Variants in FLG observed in about 807,000 individuals in gnomAD.
FLG encodes epidermal filaggrin.
In FLG, 6 loss-of-function variants were observed where a neutral mutation model predicts 3.8. The ratio of observed to expected loss-of-function variants is 1.60; its 90% confidence interval spans 0.87 to 3.15. The LOEUF is 3.15. Ranked by LOEUF, FLG falls within the 30% of genes most tolerant of loss-of-function variation. The probability of loss-of-function intolerance (pLI) is 0.00; values close to 1 mark genes in which losing one functional copy is unlikely to be tolerated. For missense variants in FLG, 7,595 were observed against 5,050.9 expected (o/e 1.50, Z -15.27); for synonymous variants, 2,551 against 1,931.6 (o/e 1.32, Z -8.41).
chr1:152,318,398 C>G (rs79559217), intron 1 of FLG, among the ~76,000 whole-genome samples: 3 of 152,030 alleles, frequency 2.0e-5, no homozygotes, highest in Non-Finnish European at 2.9e-5. Flanking sequence ...ATAGAATTAA[C>G]CATTCCTTTC....
rs767459513 is a variant in FLG at position 152,306,221 on chromosome 1, A to G, written c.8665T>C (p.Ser2889Pro). 4 of 1,604,268 alleles carry G rather than the reference A, an allele frequency of 2.5e-6. No individual in the cohort carries two copies. Among genetic ancestry groups the G allele is most frequent in the Non-Finnish European group, 3.4e-6 (4 of 1,180,008 alleles). Residue 2889 changes from serine (S) to proline (P), a missense_variant, in exon 3 of 3, where the codon TCC (serine) becomes CCC (proline). By Grantham distance (74) the Ser-to-Pro change is moderately conservative. Coordinates refer to ENST00000368799, the MANE Select transcript of FLG (RefSeq NM_002016.2). The stretch of plus-strand genomic sequence containing the variant: ...CTGTCACTGTCCTGGCTCACACTGG[A>G]TCCCTGGCGCCTGCTTCTCCTGGAC... ...EGSRRSRRQG[S>P]SVSQDSDSEG...
rs1651671637 is a variant in FLG, at chr1:152,302,539, A to G, written c.*161T>C. 3.4e-6 allele frequency: 3 copies of G among 884,322 alleles called. No individual in the cohort carries two copies. The highest frequency in any genetic ancestry group is 3.4e-6 in the Non-Finnish European group (2 of 594,244). 54.8% of individuals were successfully genotyped at this position (884,322 alleles called of 1,614,324 possible). A position where few individuals can be genotyped will look rare whatever the true frequency, so the allele number is the denominator to read the frequency against. On this transcript the variant is annotated 3_prime_UTR_variant, in exon 3 of 3. Coordinates refer to ENST00000368799, the MANE Select transcript of FLG (RefSeq NM_002016.2). The stretch of plus-strand genomic sequence containing the variant: ...ATATAGCGTTTAAAGATCATTACAC[A>G]ATAAAAATAAGCTACCACCAAACTA...
chr1:152,310,534 G>C lies in FLG; in HGVS notation c.4352C>G (p.Ser1451Cys). The change falls in exon 3 of 3, where the codon TCT (serine) becomes TGT (cysteine). Residue 1451 changes from serine (S) to cysteine (C), a missense_variant. Coordinates refer to ENST00000368799, the MANE Select transcript of FLG (RefSeq NM_002016.2). The part of the protein sequence containing the change: ...FLYQVSSHEQ[S>C]ESTHGQTAPS... ...TGCAGTCTGTCCGTGTGTGGACTCA[G>C]ACTGTTCATGAGAGCTCACCTGGTA... 6.2e-7 allele frequency: 1 copy of C among 1,613,848 alleles called. No individual in the cohort carries two copies. The highest frequency in any genetic ancestry group is 8.5e-7 in the Non-Finnish European group (1 of 1,179,918).
intron 1 of FLG, among the ~76,000 whole-genome samples, chr1:152,315,746 A>G (rs908966865): frequency 6.6e-6 from 1 of 152,212 alleles, no homozygotes; most frequent in African/African-American, 2.4e-5. Flanking sequence ...TGCTCTAGGT[A>G]AGATCATCCC....
At position 152,312,593 on chromosome 1, in the gene FLG, G is replaced by T. The variant is rs780343509; in HGVS notation, c.2293C>A (p.His765Asn). Reference protein sequence around the residue: ...EDSDTQSVSGHGQAGHHQQSH... With the variant: ...EDSDTQSVSGNGQAGHHQQSH... ...TGCTGATGGTGACCAGCCTGTCCAT[G>T]GCCTGACACTGACTGTGTGTCTGAG... Residue 765 changes from histidine to asparagine, a missense_variant, in exon 3 of 3, where the codon CAT becomes AAT. Transcript: ENST00000368799. 5.8e-5 allele frequency: 93 copies of T among 1,613,434 alleles called. No homozygotes were observed. Among genetic ancestry groups the T allele is most frequent in the Non-Finnish European group, 7.7e-5 (91 of 1,179,892 alleles).
rs755421595 is a variant in FLG, at chr1:152,314,031, C to T, written c.855G>A (p.Gln285=). 6.2e-7 allele frequency: 1 copy of T among 1,614,212 alleles called. No individual in the cohort carries two copies. Among genetic ancestry groups the T allele is most frequent in the East Asian group, 2.2e-5 (1 of 44,880 alleles). The change falls in exon 3 of 3, where the codon CAG becomes CAA. Residue 285 remains glutamine, a synonymous_variant. Coordinates refer to ENST00000368799, the MANE Select transcript of FLG (RefSeq NM_002016.2). ...CCCTACGCTTTCTTGTCCTGGACTC[C>T]TGCAATGGTACCTGGCTTGTATTTT... ...RHENTSQVPL[Q]ESRTRKRRGS...
Position 152,312,066 on chromosome 1 carries a change from C to A in FLG, c.2820G>T (p.Arg940Ser). The change falls in exon 3 of 3, where the codon AGG (arginine) becomes AGT (serine). Residue 940 changes from arginine to serine, a missense_variant. By Grantham distance (110) the Arg-to-Ser change is moderately radical. Coordinates refer to ENST00000368799, the MANE Select transcript of FLG (RefSeq NM_002016.2). ...CCTGGCTAACACTGGATCCCTGGCG[C>A]CTGCTTGTCCTGGACCCCTCTGATT... ...QGQSEGSRTS[R>S]RQGSSVSQDS... The A allele has an allele frequency of 6.2e-7, 1 of 1,614,084 alleles. No individual in the cohort carries two copies. Among genetic ancestry groups the A allele is most frequent in the Non-Finnish European group, 8.5e-7 (1 of 1,180,014 alleles).
In FLG at chr1:152,314,463, G is replaced by A. The variant is rs780750297; in HGVS notation, c.423C>T (p.Ser141=). Residue 141 remains serine (S), a synonymous_variant, in exon 3 of 3, where the codon TCC becomes TCT. Transcript: ENST00000368799. ...TCCCCCCTGTTTCTCTTGGGCTCTT[G>A]GATCTTCCCTTATTCCCTTTTCTAT... ...RNNRKGNKGR[S]KSPRETGGKR... is the part of the protein sequence containing the mutation. 1 of 1,612,592 alleles carries A rather than the reference G, an allele frequency of 6.2e-7. No homozygotes were observed. The highest frequency in any genetic ancestry group is 2.2e-5 in the East Asian group (1 of 44,806).
intron 1 of FLG, among the ~76,000 whole-genome samples, chr1:152,321,923 A>G (rs1319501413): frequency 6.6e-6 from 1 of 151,208 alleles, no homozygotes; most frequent in Non-Finnish European, 1.5e-5. Context: ...GACTGAATTC[A>G]GTAGTATATA....
chr1:152,313,852 C>T lies in FLG; in HGVS notation c.1034G>A (p.Ser345Asn), dbSNP rs766226914. 1 of 1,614,174 alleles carries T rather than the reference C, an allele frequency of 6.2e-7. No individual in the cohort carries two copies. The highest frequency in any genetic ancestry group is 8.5e-7 in the Non-Finnish European group (1 of 1,180,030). ...HPRSHDEDRA[S>N]HGHSADSSRQ... is the part of the protein sequence containing the mutation. ...GGAGCTGTCTGCAGAGTGCCCATGA[C>T]TGGCTCTGTCTTCATCATGGGACCT... Residue 345 changes from serine to asparagine, a missense_variant, in exon 3 of 3, where the codon AGT becomes AAT. Physicochemically the swap from Ser to Asn is conservative, Grantham distance 46. Coordinates refer to ENST00000368799, the MANE Select transcript of FLG (RefSeq NM_002016.2).
rs536980328 is a variant in FLG, at chr1:152,312,939, A to T, written c.1947T>A (p.Ala649=). 1 of 1,613,806 alleles carries T rather than the reference A, an allele frequency of 6.2e-7. No homozygotes were observed. Among genetic ancestry groups the T allele is most frequent in the Non-Finnish European group, 8.5e-7 (1 of 1,179,980 alleles). ...TGGAGCCATCTCTTGACTGCTCCTG[A>T]GCAGATCCATGATGGTTTCTGGAAG... is the stretch of plus-strand genomic sequence containing the variant. The part of the protein sequence containing the change: ...GSASRNHHGS[A]QEQSRDGSRH... The change falls in exon 3 of 3, where the codon GCT becomes GCA. Residue 649 remains alanine (A), a synonymous_variant. Transcript: ENST00000368799.
In FLG at chr1:152,313,304, G is replaced by C. The variant is rs1188797777; in HGVS notation, c.1582C>G (p.Gln528Glu). 3 of 1,613,602 alleles carry C rather than the reference G, an allele frequency of 1.9e-6. No individual in the cohort carries two copies. The highest frequency in any genetic ancestry group is 2.5e-6 in the Non-Finnish European group (3 of 1,180,000). The change falls in exon 3 of 3, where the codon CAG becomes GAG. Residue 528 changes from glutamine to glutamate, a missense_variant. By Grantham distance (29) the Gln-to-Glu change is conservative. Transcript: ENST00000368799. ...ACCGATTGCTCGTGGTGGGATCCCT[G>C]CCTTCCTCCTCTGCTTGACCCCGGG... is the stretch of plus-strand genomic sequence containing the variant. The part of the protein sequence containing the change: ...GHPGSSRGGR[Q>E]GSHHEQSVNR...
chr1:152,321,560 T>G (rs537822192), intron 1 of FLG, among the ~76,000 whole-genome samples: 1 of 141,910 alleles, frequency 7.0e-6, no homozygotes, highest in South Asian at 2.4e-4. Flanking sequence ...ATTTGAAAAT[T>G]TAGATGACAT....
At position 152,313,764 on chromosome 1, in the gene FLG, T is replaced by C. The variant is rs1652630775; in HGVS notation, c.1122A>G (p.Glu374=). 6.2e-7 allele frequency: 1 copy of C among 1,614,066 alleles called. No homozygotes were observed. The change falls in exon 3 of 3, where the codon GAA becomes GAG. Residue 374 remains glutamate (E), a synonymous_variant. Transcript: ENST00000368799. ...SSRGQTASSH[E]QARSSPGERH... ...TTTCTCCTGGACTTGATCTTGCCTGTTCATGGGATGATGCAGTCTGTCCAC... is the reference window on the plus strand; with the variant it reads ...TTTCTCCTGGACTTGATCTTGCCTGCTCATGGGATGATGCAGTCTGTCCAC...
rs1557876447 is a variant in FLG at position 152,309,278 on chromosome 1, T to C, written c.5608A>G (p.Asn1870Asp). Residue 1870 changes from asparagine (N) to aspartate (D), a missense_variant, in exon 3 of 3, where the codon AAT (asparagine) becomes GAT (aspartate). Coordinates refer to ENST00000368799, the MANE Select transcript of FLG (RefSeq NM_002016.2). Reference protein sequence around the residue: ...GSRSVSRQTRNEKQSGDGSRH... With the variant: ...GSRSVSRQTRDEKQSGDGSRH... ...GAGCCGTCTCCTGATTGTTTCTCAT[T>C]ACGTGTTTGTCTGCTGACACTTCTG... 1 of 1,613,504 alleles carries C rather than the reference T, an allele frequency of 6.2e-7. No homozygotes were observed.
rs545357465 is a variant in FLG at position 152,313,036 on chromosome 1, T to C, written c.1850A>G (p.Gln617Arg). ...ACTGTCCTGGCTAACACTGGATCCC[T>C]GGTTCCTACTTGTCCTGGGCCCCGA... ...QSSGPRTSRNQGSSVSQDSDS... is the reference protein window; with the variant it reads ...QSSGPRTSRNRGSSVSQDSDS... The change falls in exon 3 of 3, where the codon CAG (glutamine) becomes CGG (arginine). Residue 617 changes from glutamine to arginine, a missense_variant. Transcript: ENST00000368799. 2 of 1,614,030 alleles carry C rather than the reference T, an allele frequency of 1.2e-6. No individual in the cohort carries two copies. Among genetic ancestry groups the C allele is most frequent in the South Asian group, 1.1e-5 (1 of 91,068 alleles).
In FLG at chr1:152,304,383, G is replaced by C; in HGVS notation, c.10503C>G (p.His3501Gln). Residue 3501 changes from histidine to glutamine, a missense_variant, in exon 3 of 3, where the codon CAC (histidine) becomes CAG (glutamine). Coordinates refer to ENST00000368799, the MANE Select transcript of FLG (RefSeq NM_002016.2). ...NDEQSGDGSR[H>Q]SWSHHHEAST... Reference sequence around the variant, plus strand: ...AAGCTTCATGGTGATGCGACCATGAGTGCCTGGAGCCATCTCCTGATTGTT... The same window carrying C: ...AAGCTTCATGGTGATGCGACCATGACTGCCTGGAGCCATCTCCTGATTGTT... 1 of 1,611,948 alleles carries C rather than the reference G, an allele frequency of 6.2e-7. No homozygotes were observed. Among genetic ancestry groups the C allele is most frequent in the Non-Finnish European group, 8.5e-7 (1 of 1,179,136 alleles).
rs750417691 is a variant in FLG at position 152,311,734 on chromosome 1, C to G, written c.3152G>C (p.Arg1051Pro). Residue 1051 changes from arginine (R) to proline (P), a missense_variant, in exon 3 of 3, where the codon CGC becomes CCC. Arg to Pro is a moderately radical substitution (Grantham distance 103, BLOSUM62 -2). Coordinates refer to ENST00000368799, the MANE Select transcript of FLG (RefSeq NM_002016.2). ...ADSSRHSGIP[R>P]RQASSAVRDS... Reference sequence around the variant, plus strand: ...TCTGACTGCAGATGAAGCTTGTCTGCGCGGAATGCCTGAGTGTCTGGAGCT... The same window carrying G: ...TCTGACTGCAGATGAAGCTTGTCTGGGCGGAATGCCTGAGTGTCTGGAGCT... The G allele has an allele frequency of 4.3e-6, 7 of 1,613,856 alleles. No individual in the cohort carries two copies. The highest frequency in any genetic ancestry group is 1.7e-5 in the Admixed American group (1 of 59,988).
chr1:152,310,926 C>T lies in FLG; in HGVS notation c.3960G>A (p.Gly1320=), dbSNP rs761326457. The T allele has an allele frequency of 6.2e-6, 10 of 1,613,986 alleles. No individual in the cohort carries two copies. The highest frequency in any genetic ancestry group is 1.1e-5 in the South Asian group (1 of 91,054). The change falls in exon 3 of 3, where the codon GGG becomes GGA. Residue 1320 remains glycine (G), a synonymous_variant. Transcript: ENST00000368799. ...ATTGTCTGGAGCTGTCTGCAGAGTGCCCGTGACTGGCTCTGTCTTCTTGAT... is the reference window on the plus strand; with the variant it reads ...ATTGTCTGGAGCTGTCTGCAGAGTGTCCGTGACTGGCTCTGTCTTCTTGAT... The part of the protein sequence containing the change: ...GFHQEDRASH[G]HSADSSRQSG...
Sources: allele counts gnomAD v4.1 joint callset (sites outside exome capture counted in the v4.1 genomes callset), GRCh38; gene constraint gnomAD v4.1.1; transcripts MANE v1.5; gene names NCBI Gene and HGNC (gene_info 2026-07-23, HGNC 2026-07-21).